Variants in ZNF337 observed in about 807,000 individuals in gnomAD.
The protein encoded by ZNF337 is zinc finger protein 337.
ZNF337 carries 8 observed loss-of-function variants against 12.1 expected under a neutral mutation model. The ratio of observed to expected loss-of-function variants is 0.66; its 90% CI spans 0.39 to 1.19. ZNF337 has a LOEUF of 1.19. Among genes scored for constraint, ZNF337 ranks in the 50% most tolerant of loss-of-function variants. ZNF337 has a pLI of 0.01. For synonymous variants in ZNF337, 336 were observed against 320.0 expected (o/e 1.05, Z -0.53); for missense variants, 882 against 896.6 (o/e 0.98, Z 0.21).
intron 3 of ZNF337, 98 bp downstream of exon 3, chr20:25,685,898 G>T: frequency 6.6e-7 from 1 of 1,507,724 alleles, no homozygotes; most frequent in Non-Finnish European, 8.9e-7. Flanking sequence ...TTCCTCAGGG[G>T]AATAGAGAAA....
At position 25,686,016 on chromosome 20, in the gene ZNF337, T is replaced by C; in HGVS notation, c.134A>G (p.Tyr45Cys). ...ALYREVTLENYSHLVSLGILH... is the reference protein window; with the variant it reads ...ALYREVTLENCSHLVSLGILH... ...CTTACCTAGTGAGACCAGGTGGCTG[T>C]AGTTCTCCAGTGTCACCTCCCTGTA... The change falls in exon 3 of 5, where the codon TAC becomes TGC. Residue 45 changes from tyrosine (Y) to cysteine (C), a missense_variant. Tyr to Cys is a radical substitution (Grantham distance 194). Transcript: ENST00000252979. The C allele has an allele frequency of 1.2e-6, 2 of 1,612,982 alleles. No homozygotes were observed. Among genetic ancestry groups the C allele is most frequent in the South Asian group, 2.2e-5 (2 of 90,946 alleles).
chr20:25,694,943 ACCT>A (rs1347184212), intron 1 of ZNF337, among the ~76,000 whole-genome samples: 9 of 152,170 alleles, frequency 5.9e-5, no homozygotes, highest in Non-Finnish European at 1.3e-4. Flanking sequence ...ATGTAGCCAG[ACCT>A]CCTTTGTTCT....
intron 4 of ZNF337, chr20:25,678,222 T>C (rs540737353): frequency 6.6e-6 from 1 of 151,992 alleles, no homozygotes; most frequent in Admixed American, 6.5e-5. Context: ...GAAAAAAAAA[T>C]CAGTAGTGTT....
At chr20:25,679,911 T>C (rs1194973355) in intron 4 of ZNF337, among the ~76,000 whole-genome samples, 2 of 152,196 alleles carry the variant, frequency 1.3e-5, no homozygotes, top group South Asian at 2.1e-4. Flanking sequence ...TGTCCATCAA[T>C]GGTTGAATGG....
intron 2 of ZNF337, 112 bp downstream of exon 2, chr20:25,686,279 C>A: frequency 1.4e-6 from 2 of 1,465,914 alleles, no homozygotes; most frequent in Non-Finnish European, 1.9e-6. Context: ...ACAGATCACT[C>A]CCCAGGAGCG....
intron 3 of ZNF337, 60 bp from the exon 4 acceptor site, chr20:25,685,722 G>T: frequency 1.4e-6 from 2 of 1,460,142 alleles, no homozygotes; most frequent in Non-Finnish European, 1.9e-6. Flanking sequence ...CGGGCCATTT[G>T]CTGGAGCCAC....
At chr20:25,688,888 G>A (rs888035104) in intron 1 of ZNF337, among the ~76,000 whole-genome samples, 1 of 152,176 alleles carries the variant, frequency 6.6e-6, no homozygotes, top group African/African-American at 2.4e-5. Context: ...TAGCACTTTG[G>A]GAGGCTGAGG....
At chr20:25,686,614 G>T (rs1258476786) in intron 1 of ZNF337, 148 bp from the exon 2 acceptor site, 4 of 599,230 alleles carry the variant, frequency 6.7e-6, no homozygotes, top group African/African-American at 5.6e-5. Context: ...GGTCTAGGGA[G>T]CCAGGCTCCC....
rs1431128497 is a variant in ZNF337 at position 25,675,496 on chromosome 20, T to C, written c.1792A>G (p.Lys598Glu). ...LFHQKTHSGE[K>E]PFICSECGQG... ...CCACATTCACTACAGATGAAAGGCTTCTCCCCTGAGTGTGTCTTCTGGTGG... is the reference window on the plus strand; with the variant it reads ...CCACATTCACTACAGATGAAAGGCTCCTCCCCTGAGTGTGTCTTCTGGTGG... The change falls in exon 5 of 5, where the codon AAG (lysine) becomes GAG (glutamate). Residue 598 changes from lysine (K) to glutamate (E), a missense_variant. Lys to Glu is a moderately conservative substitution (Grantham distance 56, BLOSUM62 1). Transcript: ENST00000252979. The C allele has an allele frequency of 6.2e-7, 1 of 1,614,122 alleles. No individual in the cohort carries two copies. Among genetic ancestry groups the C allele is most frequent in the East Asian group, 2.2e-5 (1 of 44,860 alleles).
chr20:25,677,070 G>C, intron 4 of ZNF337, 33 bp from the exon 5 acceptor site: 1 of 1,493,872 alleles, frequency 6.7e-7, no homozygotes, highest in South Asian at 1.3e-5. Flanking sequence ...GACTGAATCA[G>C]TAACGAAAAG....
At position 25,696,780 on chromosome 20, in the gene ZNF337, G is replaced by A; in HGVS notation, c.-71C>T. Reference sequence around the variant, plus strand: ...TCACCGGGGCGGCTGAGGGCGAACCGAGGCGGTGAGGTCACCGATGGTGGA... The same window carrying A: ...TCACCGGGGCGGCTGAGGGCGAACCAAGGCGGTGAGGTCACCGATGGTGGA... On this transcript the variant is annotated 5_prime_UTR_variant, in exon 1 of 5. Coordinates refer to ENST00000252979, the MANE Select transcript of ZNF337 (RefSeq NM_015655.4). 7.1e-6 allele frequency: 7 copies of A among 985,528 alleles called. No individual in the cohort carries two copies. Among genetic ancestry groups the A allele is most frequent in the Non-Finnish European group, 8.4e-6 (7 of 829,988 alleles). The allele number at this position is 985,528 out of a possible 1,614,324, so 61.0% of individuals were successfully genotyped here.
At chr20:25,681,371 A>C (rs1468487265) in intron 4 of ZNF337, 2 of 152,232 alleles carry the variant, frequency 1.3e-5, no homozygotes, top group East Asian at 3.8e-4. Context: ...GTGAAAACTC[A>C]GGCCAGCTCC....
chr20:25,687,710 C>T (rs1274201006), intron 1 of ZNF337, among the ~76,000 whole-genome samples: 2 of 152,200 alleles, frequency 1.3e-5, no homozygotes, highest in African/African-American at 2.4e-5. Context: ...ACAGATAAAA[C>T]GTTAAATATC....
rs1442697732 is a variant in ZNF337 at position 25,684,211 on chromosome 20, G to C, written c.250+1356C>G. On this transcript the variant is annotated intron_variant, in intron 4 of 4. Coordinates refer to ENST00000252979, the MANE Select transcript of ZNF337 (RefSeq NM_015655.4). The stretch of plus-strand genomic sequence containing the variant: ...CACTCTGGGGACTGTTGTGGGGTGG[G>C]GGGAGGGGGGAGGGATAGCACTAGG... Among the ~76,000 whole-genome samples the C allele has an allele frequency of 8.9e-5, 10 of 112,726 alleles. No individual in the cohort carries two copies. In the East Asian group the frequency reaches 3.1e-3, roughly 35 times the overall value. 74.0% of individuals were successfully genotyped at this position (112,726 alleles called of 152,430 possible).
At chr20:25,695,601 C>T (rs549686928) in intron 1 of ZNF337, among the ~76,000 whole-genome samples, 4 of 152,276 alleles carry the variant, frequency 2.6e-5, no homozygotes, top group African/African-American at 7.2e-5. Flanking sequence ...CCCAGGCTAG[C>T]GTGCAGTGCA....
Position 25,696,638 on chromosome 20 carries a change from C to T in ZNF337, c.-50+121G>A. 12 of 683,880 alleles carry T rather than the reference C, an allele frequency of 1.8e-5. No individual in the cohort carries two copies. The South Asian group carries it at 1.9e-4, about 11-fold the overall frequency. 42.4% of individuals were successfully genotyped at this position (683,880 alleles called of 1,614,324 possible). ...GCCCCTCCCCAGAACGCGGAGACGC[C>T]GGGCCTGGAGGAGCGCGCGCTACGG... On this transcript the variant is annotated intron_variant, in intron 1 of 4. Coordinates refer to ENST00000252979, the MANE Select transcript of ZNF337 (RefSeq NM_015655.4).
chr20:25,686,704 G>A (rs954559294), intron 1 of ZNF337: 2 of 501,212 alleles, frequency 4.0e-6, no homozygotes, highest in Non-Finnish European at 3.5e-6. Context: ...ATCACTGAGG[G>A]GCTAAAAGGA....
intron 1 of ZNF337, among the ~76,000 whole-genome samples, chr20:25,687,757 T>C (rs999776842): frequency 2.0e-5 from 3 of 152,254 alleles, no homozygotes; most frequent in African/African-American, 7.2e-5. Context: ...GTATCTTATG[T>C]AAAGTGCTGA....
At chr20:25,689,257 C>A (rs73597860) in intron 1 of ZNF337, among the ~76,000 whole-genome samples, 1 of 151,962 alleles carries the variant, frequency 6.6e-6, no homozygotes, top group African/African-American at 2.4e-5. Context: ...TGAGCGGAGA[C>A]CGTGCCACTG....
Sources: allele counts gnomAD v4.1 joint callset (sites outside exome capture counted in the v4.1 genomes callset), GRCh38; gene constraint gnomAD v4.1.1; transcripts MANE v1.5; gene names NCBI Gene and HGNC (gene_info 2026-07-23, HGNC 2026-07-21).